UBE2QL1: variants seen among roughly 807,000 people sequenced by gnomAD.
UBE2QL1 encodes ubiquitin conjugating enzyme E2 QL1, also known as ubiquitin-conjugating enzyme E2Q-like protein 1.
In UBE2QL1, 5 loss-of-function variants were observed where a neutral mutation model predicts 12.6. That is an observed-to-expected ratio of 0.40 (90% confidence interval 0.21 to 0.83). The LOEUF (loss-of-function observed/expected upper bound fraction) is 0.83. UBE2QL1 is among the 40% of genes least tolerant of loss of function. The pLI, the probability that UBE2QL1 is intolerant of heterozygous loss-of-function variation, is 0.37. For synonymous variants in UBE2QL1, 96 were observed against 94.5 expected, an observed-to-expected ratio of 1.02 and a Z score of -0.10; for missense variants, 99 against 222.6, an observed-to-expected ratio of 0.44 and a Z score of 3.53.
At position 6,491,340 on chromosome 5, in the gene UBE2QL1, C is replaced by G. The variant is rs776123128; in HGVS notation, c.477C>G (p.Ser159=). 22 of 1,550,308 alleles carry G rather than the reference C, an allele frequency of 1.4e-5. No individual in the cohort carries two copies. The South Asian group carries it at 2.3e-4, about 16-fold the overall frequency. ...EKYGWVTPPV[S]DG ...ATGGTTGGGTCACCCCGCCCGTGTC[C>G]GACGGCTGATGTCTGCCACGTGCAG... The change falls in exon 2 of 2, where the codon TCC becomes TCG. Residue 159 remains serine (S), a synonymous_variant. Coordinates refer to ENST00000399816, the MANE Select transcript of UBE2QL1 (RefSeq NM_001145161.3).
At position 6,479,356 on chromosome 5, in the gene UBE2QL1, G is replaced by T. The variant is rs1448898996; in HGVS notation, c.355-11862G>T. Among the ~76,000 whole-genome samples, 1 of 152,122 alleles carries T rather than the reference G, an allele frequency of 6.6e-6. No individual in the cohort carries two copies. Among genetic ancestry groups the T allele is most frequent in the African/African-American group, 2.4e-5 (1 of 41,424 alleles). On this transcript the variant is annotated intron_variant, in intron 1 of 1. Coordinates refer to ENST00000399816, the MANE Select transcript of UBE2QL1 (RefSeq NM_001145161.3). The surrounding 1 kb of genome is among the most constrained non-coding windows in gnomAD (Gnocchi z 4.2). Reference sequence around the variant, plus strand: ...GATTGTGATCTAAGAGGTCAAGTTGGGTAGGAGAACACCATTGTTTCTTGC... The same window carrying T: ...GATTGTGATCTAAGAGGTCAAGTTGTGTAGGAGAACACCATTGTTTCTTGC...
At chr5:6,463,642 T>TA (rs56337704) in intron 1 of UBE2QL1, among the ~76,000 whole-genome samples, 4,118 of 147,234 alleles carry the variant, frequency 0.028, 88 homozygotes, top group Non-Finnish European at 0.041. Context: ...TTATTATTAT[T>TA]TTTGATGCGG....
rs1734322066 is a variant in UBE2QL1 at position 6,479,832 on chromosome 5, T to C, written c.355-11386T>C. On this transcript the variant is annotated intron_variant, in intron 1 of 1. Coordinates refer to ENST00000399816, the MANE Select transcript of UBE2QL1 (RefSeq NM_001145161.3). This position sits in a 1 kb window ranked among gnomAD's most constrained non-coding sequence, Gnocchi z 4.2. ...GACTCACCAGGGAGGTCACCCACCC[T>C]GTTCACCACGTCAGGCAGGTAGCGT... Among the ~76,000 whole-genome samples the C allele has an allele frequency of 6.6e-6, 1 of 152,194 alleles. No homozygotes were observed. Among genetic ancestry groups the C allele is most frequent in the African/African-American group, 2.4e-5 (1 of 41,438 alleles).
chr5:6,482,758 A>G (rs1281524815), intron 1 of UBE2QL1, among the ~76,000 whole-genome samples: 1 of 152,194 alleles, frequency 6.6e-6, no homozygotes, highest in Non-Finnish European at 1.5e-5. Flanking sequence ...GGAACGACCC[A>G]GGGAGGCTGC....
rs13158631 is a variant in UBE2QL1 at position 6,479,069 on chromosome 5, A to G, written c.355-12149A>G. 6.6e-6 allele frequency among the ~76,000 whole-genome samples: 1 copy of G among 152,094 alleles called. No individual in the cohort carries two copies. The highest frequency in any genetic ancestry group is 2.4e-5 in the African/African-American group (1 of 41,422). On this transcript the variant is annotated intron_variant, in intron 1 of 1. Coordinates refer to ENST00000399816, the MANE Select transcript of UBE2QL1 (RefSeq NM_001145161.3). The surrounding 1 kb of genome is among the most constrained non-coding windows in gnomAD (Gnocchi z 4.2). The stretch of plus-strand genomic sequence containing the variant: ...GAGTCTGTTGGATCCCCAGTGCCTC[A>G]TCCTGAAATCAGGGAGGCGTGGCAG...
At chr5:6,472,311 T>C (rs1579295535) in intron 1 of UBE2QL1, among the ~76,000 whole-genome samples, 1 of 152,354 alleles carries the variant, frequency 6.6e-6, no homozygotes, top group East Asian at 1.9e-4. Context: ...GTGGATCTTC[T>C]GGGCTTGATA....
intron 1 of UBE2QL1, among the ~76,000 whole-genome samples, chr5:6,452,150 G>A (rs1739424188): frequency 6.6e-6 from 1 of 152,114 alleles, no homozygotes. Flanking sequence ...TAGAGAAATT[G>A]TAAAACAATT....
At position 6,448,889 on chromosome 5, in the gene UBE2QL1, G is replaced by T; in HGVS notation, c.-5G>T. 1 of 1,503,550 alleles carries T rather than the reference G, an allele frequency of 6.7e-7. No homozygotes were observed. 93.1% of individuals were successfully genotyped at this position (1,503,550 alleles called of 1,614,324 possible). On this transcript the variant is annotated 5_prime_UTR_variant, in exon 1 of 2. Transcript: ENST00000399816. ...CACTGCACGCAGGTGCGCAGCCGGC[G>T]GCTCATGAAGGAGCTGCAGGACATC...
intron 1 of UBE2QL1, among the ~76,000 whole-genome samples, chr5:6,474,624 A>G (rs1411659263): frequency 2.6e-5 from 4 of 152,248 alleles, no homozygotes; most frequent in Non-Finnish European, 4.4e-5. Flanking sequence ...AAATGGTAAC[A>G]TGCATACCAT....
In UBE2QL1 at chr5:6,491,661, T is replaced by G. The variant is rs1579305204; in HGVS notation, c.*312T>G. 5 of 198,592 alleles carry G rather than the reference T, an allele frequency of 2.5e-5. No individual in the cohort carries two copies. In the East Asian group the frequency reaches 3.6e-4, roughly 14 times the overall value. The allele number at this position is 198,592 out of a possible 1,614,324, so 12.3% of individuals were successfully genotyped here. A position where few individuals can be genotyped will look rare whatever the true frequency, so the allele number is the denominator to read the frequency against. ...CACCCCGGTCACATTGCCCTGAGCT[T>G]CTTTCCATGACAGCAGCTCCGACGA... On this transcript the variant is annotated 3_prime_UTR_variant, in exon 2 of 2. Transcript: ENST00000399816.
chr5:6,492,322 T>C lies in UBE2QL1; in HGVS notation c.*973T>C, dbSNP rs1003114584. On this transcript the variant is annotated 3_prime_UTR_variant, in exon 2 of 2. Coordinates refer to ENST00000399816, the MANE Select transcript of UBE2QL1 (RefSeq NM_001145161.3). ...CAAAGGATACCAAGTGATCATACGATGATTTGCATGATCGGGTCTATTTCA... is the reference window on the plus strand; with the variant it reads ...CAAAGGATACCAAGTGATCATACGACGATTTGCATGATCGGGTCTATTTCA... 6.6e-6 allele frequency: 1 copy of C among 152,258 alleles called. No homozygotes were observed. Among genetic ancestry groups the C allele is most frequent in the African/African-American group, 2.4e-5 (1 of 41,466 alleles). The allele number at this position is 152,258 out of a possible 1,614,324, so 9.4% of individuals were successfully genotyped here.
chr5:6,484,752 C>G lies in UBE2QL1; in HGVS notation c.355-6466C>G, dbSNP rs1422397090. On this transcript the variant is annotated intron_variant, in intron 1 of 1. Coordinates refer to ENST00000399816, the MANE Select transcript of UBE2QL1 (RefSeq NM_001145161.3). The stretch of plus-strand genomic sequence containing the variant: ...ATGTTCCCACCCTGTCTTTCTCCCC[C>G]TCCCCTGTTTCTGCTCTCCCAGCCC... Among the ~76,000 whole-genome samples the G allele has an allele frequency of 2.6e-5, 4 of 151,936 alleles. No individual in the cohort carries two copies. In the East Asian group the frequency reaches 7.8e-4, roughly 30 times the overall value.
rs141767491 is a variant in UBE2QL1 at position 6,455,047 on chromosome 5, A to C, written c.354+5800A>C. Among the ~76,000 whole-genome samples, 491 of 152,314 alleles carry C rather than the reference A, an allele frequency of 3.2e-3. 2 individuals carry two copies. Among genetic ancestry groups the C allele is most frequent in the African/African-American group, 0.011 (476 of 41,576 alleles). On this transcript the variant is annotated intron_variant, in intron 1 of 1. Transcript: ENST00000399816. ...CATGGGGCAGCTCCTGGTAGAAGCTACTTTTACTTCACCATGAGACTTTGA... is the reference window on the plus strand; with the variant it reads ...CATGGGGCAGCTCCTGGTAGAAGCTCCTTTTACTTCACCATGAGACTTTGA...
At chr5:6,449,872 C>CCA (rs1553987105) in intron 1 of UBE2QL1, among the ~76,000 whole-genome samples, 3 of 145,184 alleles carry the variant, frequency 2.1e-5, no homozygotes, top group Non-Finnish European at 3.0e-5. Flanking sequence ...TCCCCAACCC[C>CCA]CCCCACACAC....
At position 6,496,410 on chromosome 5, in the gene UBE2QL1, C is replaced by T. The variant is rs1370428563; in HGVS notation, c.*5061C>T. ...CCTTCTCTACAACGTGACTTCATTT[C>T]ATGAATGTGGTTGCCATTATGACAG... On this transcript the variant is annotated 3_prime_UTR_variant, in exon 2 of 2. Transcript: ENST00000399816. Among the ~76,000 whole-genome samples, 1 of 152,180 alleles carries T rather than the reference C, an allele frequency of 6.6e-6. No individual in the cohort carries two copies. Among genetic ancestry groups the T allele is most frequent in the Non-Finnish European group, 1.5e-5 (1 of 68,050 alleles).
intron 1 of UBE2QL1, among the ~76,000 whole-genome samples, chr5:6,455,223 T>C (rs779756456): frequency 5.3e-5 from 8 of 152,140 alleles, no homozygotes; most frequent in Non-Finnish European, 8.8e-5. Context: ...GACACTAAGC[T>C]GAAGTCTGAA....
Position 6,463,890 on chromosome 5 carries a change from G to C in UBE2QL1, c.354+14643G>C, listed in dbSNP as rs1472330188. Among the ~76,000 whole-genome samples the C allele has an allele frequency of 4.6e-5, 7 of 152,048 alleles. No individual in the cohort carries two copies. The East Asian group carries it at 1.4e-3, about 29-fold the overall frequency. The stretch of plus-strand genomic sequence containing the variant: ...GATCCACCCGCCTCGGCCTCCCAGA[G>C]TGCTGGGATTACAGGCATGAGCCAC... On this transcript the variant is annotated intron_variant, in intron 1 of 1. Transcript: ENST00000399816.
chr5:6,484,715 A>T (rs1734431380), intron 1 of UBE2QL1, among the ~76,000 whole-genome samples: 1 of 151,778 alleles, frequency 6.6e-6, no homozygotes, highest in African/African-American at 2.4e-5. Flanking sequence ...GCGGCTCATC[A>T]GCTCCAACAG....
At chr5:6,489,895 C>T (rs1433393865) in intron 1 of UBE2QL1, among the ~76,000 whole-genome samples, 1 of 152,202 alleles carries the variant, frequency 6.6e-6, no homozygotes, top group African/African-American at 2.4e-5. Flanking sequence ...CATCCCAGTA[C>T]GTGCCCACAG....
Sources: allele counts gnomAD v4.1 joint callset (sites outside exome capture counted in the v4.1 genomes callset), GRCh38; gene constraint gnomAD v4.1.1; non-coding constraint Gnocchi (gnomAD v3.1); transcripts MANE v1.5; gene names NCBI Gene and HGNC (gene_info 2026-07-23, HGNC 2026-07-21).